The following KSR1 variants were observed in gnomAD, a reference collection of about 807,000 sequenced individuals.
The protein encoded by KSR1 is kinase suppressor of ras 1, also known as kinase suppressor of ras.
Under a neutral mutation model 92.9 loss-of-function variants are expected in KSR1, and 35 were observed. The observed-to-expected ratio is 0.38, with a 90% confidence interval of 0.29 to 0.50. KSR1 has a LOEUF of 0.50. KSR1 is among the 20% of genes least tolerant of loss of function. The pLI, the probability that KSR1 is intolerant of heterozygous loss-of-function variation, is 0.94. For synonymous variants in KSR1, 467 were observed against 472.6 expected (o/e 0.99, Z 0.15); for missense variants, 972 against 1,158.5 (o/e 0.84, Z 2.34).
chr17:27,468,668 C>T (rs2019824975), intron 1 of KSR1, among the ~76,000 whole-genome samples: 2 of 152,240 alleles, frequency 1.3e-5, no homozygotes, highest in Admixed American at 6.5e-5. Flanking sequence ...GTACCTATCT[C>T]AGCAGGCTGG....
chr17:27,596,959 A>G (rs1315310914), intron 9 of KSR1, among the ~76,000 whole-genome samples: 1 of 152,204 alleles, frequency 6.6e-6, no homozygotes, highest in Non-Finnish European at 1.5e-5. Flanking sequence ...CCCTGATGAA[A>G]AACTGCTGGG....
intron 9 of KSR1, 141 bp downstream of exon 9, chr17:27,592,767 A>T (rs2073211623): frequency 1.5e-6 from 1 of 664,792 alleles, no homozygotes; most frequent in East Asian, 2.8e-5. Flanking sequence ...GGCCTTGGGG[A>T]TCATATCTTG....
At chr17:27,580,047 C>T (rs2072688407) in intron 3 of KSR1, among the ~76,000 whole-genome samples, 1 of 152,012 alleles carries the variant, frequency 6.6e-6, no homozygotes, top group Admixed American at 6.5e-5. Context: ...CTCAAGCAGC[C>T]ACTGCCAATC....
intron 1 of KSR1, among the ~76,000 whole-genome samples, chr17:27,535,210 T>C (rs2070710657): frequency 6.6e-6 from 1 of 152,190 alleles, no homozygotes; most frequent in African/African-American, 2.4e-5. Flanking sequence ...TGTGTAGCCT[T>C]GGCCATGTGC....
chr17:27,491,304 G>GT (rs1408591837), intron 1 of KSR1, among the ~76,000 whole-genome samples: 4 of 110,066 alleles, frequency 3.6e-5, no homozygotes, highest in African/African-American at 1.1e-4. Context: ...TTTTGTTAGT[G>GT]GTGTGTGTGT....
At chr17:27,555,539 GCAC>G (rs1413716658) in intron 2 of KSR1, among the ~76,000 whole-genome samples, 2 of 136,244 alleles carry the variant, frequency 1.5e-5, no homozygotes, top group African/African-American at 6.1e-5. Context: ...TGTGTGTGTA[GCAC>G]TTCCGTGTGT....
intron 1 of KSR1, among the ~76,000 whole-genome samples, chr17:27,526,094 T>TTCTTTCTCTCTCTCTCTC (rs55706224): frequency 1.8e-4 from 21 of 118,478 alleles, no homozygotes; most frequent in Admixed American, 1.4e-3. Context: ...CTTTCTTTCT[T>TTCTTTCTCTCTCTCTCTC]TCTCTCTCTC....
intron 14 of KSR1, among the ~76,000 whole-genome samples, chr17:27,607,420 C>G (rs1323395192): frequency 1.3e-5 from 2 of 152,134 alleles, no homozygotes; most frequent in Non-Finnish European, 2.9e-5. Flanking sequence ...CTTGACGCCC[C>G]TAACATCTAC....
At chr17:27,556,311 C>T (rs989869815) in intron 2 of KSR1, among the ~76,000 whole-genome samples, 3 of 152,122 alleles carry the variant, frequency 2.0e-5, no homozygotes, top group Non-Finnish European at 2.9e-5. Context: ...ATGTCCTGGG[C>T]TCAAGCGATC....
intron 1 of KSR1, among the ~76,000 whole-genome samples, chr17:27,535,285 G>A (rs938089032): frequency 6.6e-6 from 1 of 152,178 alleles, no homozygotes; most frequent in South Asian, 2.1e-4. Context: ...AGAGCGCTCC[G>A]TAAACTCTGT....
chr17:27,482,503 T>C (rs541794866), intron 1 of KSR1, among the ~76,000 whole-genome samples: 7 of 152,230 alleles, frequency 4.6e-5, no homozygotes, highest in African/African-American at 7.2e-5. Context: ...AAGGACCAAC[T>C]ATGATTTAAA....
Position 27,605,809 on chromosome 17 carries a change from A to G in KSR1, c.1990A>G (p.Thr664Ala). ...GAACCCGCCCCACCTGGCCATTATC[A>G]CCAGGTAACCAAGCCCTAGGACCTC... is the stretch of plus-strand genomic sequence containing the variant. ...CMNPPHLAII[T>A]SFCKGRTLHS... Residue 664 changes from threonine (T) to alanine (A), a missense_variant, in exon 14 of 21, where the codon ACC becomes GCC. Physicochemically the swap from Thr to Ala is moderately conservative, Grantham distance 58. Transcript: ENST00000644974. 6.2e-7 allele frequency: 1 copy of G among 1,612,374 alleles called. No individual in the cohort carries two copies. The highest frequency in any genetic ancestry group is 8.5e-7 in the Non-Finnish European group (1 of 1,179,698).
intron 14 of KSR1, 60 bp downstream of exon 14, chr17:27,605,873 G>A: frequency 6.3e-7 from 1 of 1,595,008 alleles, no homozygotes; most frequent in Non-Finnish European, 8.5e-7. Context: ...TTCCCAGGGA[G>A]CCCTGTTTGT....
At chr17:27,569,274 C>T (rs754853205) in intron 2 of KSR1, among the ~76,000 whole-genome samples, 2 of 152,224 alleles carry the variant, frequency 1.3e-5, no homozygotes, top group African/African-American at 2.4e-5. Context: ...GTGCCCAAAG[C>T]TGGAGTAGCT....
intron 4 of KSR1, 28 bp downstream of exon 4, chr17:27,583,133 A>G (rs1244566053): frequency 7.0e-7 from 1 of 1,430,634 alleles, no homozygotes. Context: ...GCAGCTACCA[A>G]AAGTGCCCTC....
chr17:27,502,721 C>T (rs2069235798), intron 1 of KSR1, among the ~76,000 whole-genome samples: 1 of 152,236 alleles, frequency 6.6e-6, no homozygotes, highest in Admixed American at 6.5e-5. Context: ...AATCACGGCA[C>T]AGATGTCGTT....
chr17:27,460,588 G>C (rs1423232547), intron 1 of KSR1, among the ~76,000 whole-genome samples: 2 of 152,134 alleles, frequency 1.3e-5, no homozygotes, highest in African/African-American at 4.8e-5. Context: ...CTCTGCCCTT[G>C]GGCTGCTTTC....
At chr17:27,478,548 A>G (rs1346260245) in intron 1 of KSR1, among the ~76,000 whole-genome samples, 1 of 152,152 alleles carries the variant, frequency 6.6e-6, no homozygotes, top group Non-Finnish European at 1.5e-5. Context: ...TAAGCGCTTG[A>G]TAAACATGAG....
At chr17:27,488,970 AT>A (rs1567756486) in intron 1 of KSR1, among the ~76,000 whole-genome samples, 1 of 152,248 alleles carries the variant, frequency 6.6e-6, no homozygotes, top group African/African-American at 2.4e-5. Context: ...CTCAAAAAAA[AT>A]TTTTTTTTAA....
Sources: gnomAD v4.1 joint callset for allele counts (sites outside exome capture counted in the v4.1 genomes callset) on GRCh38, gnomAD v4.1.1 for gene constraint, MANE v1.5 for transcripts, NCBI Gene and HGNC (gene_info 2026-07-23, HGNC 2026-07-21) for gene names.